DAB1: variants seen among roughly 807,000 people sequenced by gnomAD.
The protein encoded by DAB1 is disabled homolog 1.
In DAB1, 15 loss-of-function variants were observed where a neutral mutation model predicts 64.6. That is an observed-to-expected ratio of 0.23 (90% CI 0.16 to 0.36). DAB1 has a LOEUF of 0.36. Among genes scored for constraint, DAB1 ranks in the 10% least tolerant of loss-of-function variants. The pLI is 1.00. For missense variants in DAB1, 596 were observed against 706.7 expected (o/e 0.84, Z 1.78); for synonymous variants, 235 against 251.9 (o/e 0.93, Z 0.64).
chr1:58,482,169 G>A (rs1645497844), intron 3 of DAB1, among the ~76,000 whole-genome samples: 1 of 152,194 alleles, frequency 6.6e-6, no homozygotes, highest in Non-Finnish European at 1.5e-5. Context: ...GAAGGGGAGA[G>A]CTGCATGTGT....
At chr1:57,718,276 G>A (rs902636565) in intron 6 of DAB1, among the ~76,000 whole-genome samples, 1 of 152,010 alleles carries the variant, frequency 6.6e-6, no homozygotes, top group African/African-American at 2.4e-5. Context: ...CCATAAATAT[G>A]TACAGTTATG....
intron 6 of DAB1, among the ~76,000 whole-genome samples, chr1:57,798,785 G>T (rs970367057): frequency 6.6e-6 from 1 of 152,160 alleles, no homozygotes; most frequent in African/African-American, 2.4e-5. Flanking sequence ...AAGGCTGTCT[G>T]TGTGGATTTT....
chr1:58,507,459 TTTAAATTCAAGTAAATC>T (rs1182183431), intron 2 of DAB1, among the ~76,000 whole-genome samples: 1 of 151,974 alleles, frequency 6.6e-6, no homozygotes, highest in African/African-American at 2.4e-5. Context: ...AATAAAAAAT[TTTAAATTCAAGTAAATC>T]TTATTCAATA....
chr1:58,373,511 C>T (rs1266866407), intron 3 of DAB1, among the ~76,000 whole-genome samples: 35 of 151,326 alleles, frequency 2.3e-4, no homozygotes, highest in Non-Finnish European at 1.5e-4. Flanking sequence ...CTCATCATTT[C>T]TTACGGCTGC....
In DAB1 at chr1:58,181,675, G is replaced by A. The variant is rs369437346; in HGVS notation, n.310-31087C>T. Among the ~76,000 whole-genome samples the A allele has an allele frequency of 3.3e-4, 50 of 151,996 alleles. No individual in the cohort carries two copies. In the East Asian group the frequency reaches 6.0e-3, roughly 18 times the overall value. ...ATAATATACTTTAGATTAATACTAAGTTACTTCTAATAAAATATGGAAATT... is the reference window on the plus strand; with the variant it reads ...ATAATATACTTTAGATTAATACTAAATTACTTCTAATAAAATATGGAAATT... On this transcript the variant is annotated intron_variant and non_coding_transcript_variant, in intron 4 of 20. Coordinates refer to the DAB1 transcript ENST00000485760.
chr1:58,155,900 T>TTAAATA (rs1219291272), intron 4 of DAB1, among the ~76,000 whole-genome samples: 3 of 152,230 alleles, frequency 2.0e-5, no homozygotes, highest in African/African-American at 7.2e-5. Context: ...TTCTTCAATT[T>TTAAATA]GAGAATGAAT....
chr1:57,658,653 C>T (rs542175337), intron 6 of DAB1, among the ~76,000 whole-genome samples: 2 of 152,256 alleles, frequency 1.3e-5, no homozygotes, highest in African/African-American at 4.8e-5. Context: ...ACCTCCTCCT[C>T]CCAGGTTCAG....
At chr1:58,355,204 A>T (rs991010817) in intron 3 of DAB1, among the ~76,000 whole-genome samples, 1 of 151,938 alleles carries the variant, frequency 6.6e-6, no homozygotes, top group Non-Finnish European at 1.5e-5. Context: ...ACACAACTCA[A>T]CTCTCCTGAA....
At chr1:58,512,820 T>C (rs776337004) in intron 2 of DAB1, among the ~76,000 whole-genome samples, 6 of 152,148 alleles carry the variant, frequency 3.9e-5, no homozygotes, top group Non-Finnish European at 1.5e-5. Flanking sequence ...GATCTAGAGA[T>C]CTGATATACA....
chr1:57,273,268 C>T (rs1378565938), intron 2 of DAB1, among the ~76,000 whole-genome samples: 2 of 152,158 alleles, frequency 1.3e-5, no homozygotes, highest in African/African-American at 4.8e-5. Context: ...GCCAACCTCC[C>T]CTAACAGGGA....
intron 6 of DAB1, among the ~76,000 whole-genome samples, chr1:57,782,138 C>T (rs1188874586): frequency 6.9e-6 from 1 of 145,616 alleles, no homozygotes; most frequent in Non-Finnish European, 1.5e-5. Context: ...TAATCCAACT[C>T]CTACTCAAAC....
intron 1 of DAB1, among the ~76,000 whole-genome samples, chr1:57,300,488 A>T (rs1329016935): frequency 1.3e-5 from 2 of 152,206 alleles, no homozygotes; most frequent in Non-Finnish European, 2.9e-5. Flanking sequence ...AGACAAGTAA[A>T]TGTTAGTCAC....
intron 4 of DAB1, among the ~76,000 whole-genome samples, chr1:58,302,755 T>A (rs1437621032): frequency 6.6e-6 from 1 of 152,158 alleles, no homozygotes; most frequent in Non-Finnish European, 1.5e-5. Flanking sequence ...ATATGTAAAG[T>A]GCTTAGAATG....
chr1:57,449,092 G>A (rs941225193), intron 7 of DAB1, among the ~76,000 whole-genome samples: 17 of 152,096 alleles, frequency 1.1e-4, no homozygotes, highest in Admixed American at 6.6e-5. Flanking sequence ...AGTATCAGGA[G>A]AAGAGGCACA....
rs145271835 is a variant in DAB1 at position 57,398,912 on chromosome 1, G to A, written c.-137+25018C>T. Among the ~76,000 whole-genome samples the A allele has an allele frequency of 5.7e-4, 81 of 142,430 alleles. 1 individual carries two copies. In the East Asian group the frequency reaches 0.014, roughly 24 times the overall value. 93.4% of individuals were successfully genotyped at this position (142,430 alleles called of 152,430 possible). A position where few individuals can be genotyped will look rare whatever the true frequency, so the allele number is the denominator to read the frequency against. ...CCTTCCTTTGAACACTGACTTGAAG[G>A]CTGGCTTAGGGTTTTGAATGTGTGC... On this transcript the variant is annotated intron_variant, in intron 1 of 14. Transcript: ENST00000371236.
chr1:57,147,124 A>T (rs746778612), intron 2 of DAB1, among the ~76,000 whole-genome samples: 1 of 150,550 alleles, frequency 6.6e-6, no homozygotes, highest in South Asian at 2.1e-4. Context: ...ACGACCTCCC[A>T]GGCTCAGGCA....
At chr1:58,300,534 T>G (rs1312007111) in intron 4 of DAB1, among the ~76,000 whole-genome samples, 1 of 100,304 alleles carries the variant, frequency 1.0e-5, no homozygotes, top group African/African-American at 4.3e-5. Context: ...GCAACAAAAG[T>G]GAAACTCTGA....
intron 1 of DAB1, among the ~76,000 whole-genome samples, chr1:57,296,366 C>A (rs74418690): frequency 0.01 from 1,526 of 152,050 alleles, 29 homozygotes; most frequent in African/African-American, 0.034. Context: ...ATTAAGAGGG[C>A]CTAGGAGCAA....
At chr1:58,470,985 G>C (rs1348128985) in intron 3 of DAB1, among the ~76,000 whole-genome samples, 2 of 152,188 alleles carry the variant, frequency 1.3e-5, no homozygotes, top group Non-Finnish European at 2.9e-5. Context: ...GAGGGGAAGG[G>C]ATTTAATTTT....
Sources: allele counts gnomAD v4.1 joint callset (sites outside exome capture counted in the v4.1 genomes callset), GRCh38; gene constraint gnomAD v4.1.1; transcripts MANE v1.5; gene names NCBI Gene and HGNC (gene_info 2026-07-23, HGNC 2026-07-21).